Variants in GSAP observed in about 807,000 individuals in gnomAD.
GSAP encodes gamma-secretase-activating protein.
In GSAP, 118 loss-of-function variants were observed where a neutral mutation model predicts 131.7. The observed-to-expected ratio is 0.90, with a 90% CI of 0.77 to 1.04. The LOEUF is 1.04. Ranked by LOEUF, GSAP falls within the 50% of genes least tolerant of loss-of-function variation. The pLI, the probability that GSAP is intolerant of heterozygous loss-of-function variation, is 0.00. For missense variants in GSAP, 1,019 were observed against 1,013.2 expected (o/e 1.01, Z -0.08); for synonymous variants, 381 against 363.4 (o/e 1.05, Z -0.55).
At chr7:77,313,419 T>C (rs1794627949) in intron 28 of GSAP, 69 bp downstream of exon 28, 2 of 800,450 alleles carry the variant, frequency 2.5e-6, no homozygotes, top group South Asian at 1.5e-5. Flanking sequence ...AATGCTCTTT[T>C]TGCAAGAAGA....
intron 5 of GSAP, 140 bp from the exon 6 acceptor site, chr7:77,387,588 G>C: frequency 1.6e-6 from 1 of 610,002 alleles, no homozygotes; most frequent in Non-Finnish European, 2.9e-6. Context: ...CACCATCCTA[G>C]AGTCCTGTGA....
chr7:77,404,433 G>T, intron 3 of GSAP, 126 bp downstream of exon 3: 1 of 679,540 alleles, frequency 1.5e-6, no homozygotes, highest in Non-Finnish European at 2.6e-6. Flanking sequence ...TTGCAATTCT[G>T]TTTTTTCAAA....
chr7:77,328,870 G>A (rs1418486643), intron 21 of GSAP, among the ~76,000 whole-genome samples: 1 of 152,122 alleles, frequency 6.6e-6, no homozygotes, highest in African/African-American at 2.4e-5. Context: ...AACAACTGTA[G>A]CTCTCAGTTA....
chr7:77,402,828 T>C (rs78149253), intron 3 of GSAP, among the ~76,000 whole-genome samples: 119 of 152,204 alleles, frequency 7.8e-4, no homozygotes, highest in African/African-American at 2.7e-3. Context: ...TATTAATTTA[T>C]CCTTTGGCCA....
chr7:77,362,360 G>A (rs914208585), intron 13 of GSAP, among the ~76,000 whole-genome samples: 2 of 152,082 alleles, frequency 1.3e-5, no homozygotes, highest in African/African-American at 2.4e-5. Flanking sequence ...GATGGCACAC[G>A]CCTGTAGTCC....
At chr7:77,386,225 C>T (rs1034978582) in intron 6 of GSAP, among the ~76,000 whole-genome samples, 4 of 152,116 alleles carry the variant, frequency 2.6e-5, no homozygotes, top group Non-Finnish European at 1.5e-5. Flanking sequence ...GAAGACTTAT[C>T]TGAGAAGCAA....
chr7:77,413,135 A>G, intron 1 of GSAP, among the ~76,000 whole-genome samples: 1 of 152,222 alleles, frequency 6.6e-6, no homozygotes. Flanking sequence ...GGGAGTGCTC[A>G]GGAAAGTGGG....
chr7:77,376,847 C>A lies in GSAP; in HGVS notation c.741+1G>T. On this transcript the variant is annotated splice_donor_variant, in intron 10 of 30. Transcript: ENST00000257626. LOFTEE classifies it high-confidence loss of function. ...GTAGTGTGATCATTTTCTGGACTTA[C>A]CATTAAGTTATAGCTCTCATCAGCA... 1 of 1,385,082 alleles carries A rather than the reference C, an allele frequency of 7.2e-7. No individual in the cohort carries two copies. The highest frequency in any genetic ancestry group is 1.3e-5 in the South Asian group (1 of 78,812). 85.8% of individuals were successfully genotyped at this position (1,385,082 alleles called of 1,614,324 possible).
Position 77,362,609 on chromosome 7 carries a change from G to C in GSAP, c.923C>G (p.Thr308Arg). The change falls in exon 13 of 31, where the codon ACA becomes AGA. Residue 308 changes from threonine (T) to arginine (R), a missense_variant. Thr to Arg is a moderately conservative substitution (Grantham distance 71, BLOSUM62 -1). Coordinates refer to ENST00000257626, the MANE Select transcript of GSAP (RefSeq NM_017439.4). ...TTTATGAATGTAAAACACTGAATAT[G>C]TGATTTGTCCCCAAGAGGCACACTT... is the stretch of plus-strand genomic sequence containing the variant. ...SPKCASWGQITYSVFYIHKGH... is the reference protein window; with the variant it reads ...SPKCASWGQIRYSVFYIHKGH... 1 of 1,577,056 alleles carries C rather than the reference G, an allele frequency of 6.3e-7. No individual in the cohort carries two copies. Among genetic ancestry groups the C allele is most frequent in the Non-Finnish European group, 8.7e-7 (1 of 1,147,102 alleles).
chr7:77,365,476 C>A (rs1795151314), intron 12 of GSAP, among the ~76,000 whole-genome samples: 1 of 152,106 alleles, frequency 6.6e-6, no homozygotes, highest in Admixed American at 6.6e-5. Context: ...AGTGAGAACA[C>A]TAGGTATTTC....
At chr7:77,385,325 C>T (rs1354662830) in intron 6 of GSAP, among the ~76,000 whole-genome samples, 5 of 152,148 alleles carry the variant, frequency 3.3e-5, no homozygotes, top group Admixed American at 2.6e-4. Context: ...TGAGCCACTG[C>T]GCCCAGCCAC....
At chr7:77,403,079 A>G (rs1801653795) in intron 3 of GSAP, among the ~76,000 whole-genome samples, 1 of 152,198 alleles carries the variant, frequency 6.6e-6, no homozygotes, top group South Asian at 2.1e-4. Flanking sequence ...ATGACCACAA[A>G]AGATAGCAGC....
Position 77,342,824 on chromosome 7 carries a change from C to T in GSAP, c.1545+6527G>A, listed in dbSNP as rs148135110. On this transcript the variant is annotated intron_variant, in intron 19 of 30. Coordinates refer to ENST00000257626, the MANE Select transcript of GSAP (RefSeq NM_017439.4). ...AAACCAGACAAGCCTTACAGGTTAG[C>T]TCAGGATCTGCGACTTATCAACCAA... Among the ~76,000 whole-genome samples the T allele has an allele frequency of 7.6e-4, 115 of 152,292 alleles. 3 individuals carry two copies. In the East Asian group the frequency reaches 0.02, roughly 27 times the overall value.
chr7:77,368,854 G>A (rs879717494), intron 12 of GSAP, among the ~76,000 whole-genome samples: 1 of 152,202 alleles, frequency 6.6e-6, no homozygotes, highest in Non-Finnish European at 1.5e-5. Flanking sequence ...ATAAAGGTTA[G>A]CTGGTGTTAT....
intron 1 of GSAP, among the ~76,000 whole-genome samples, chr7:77,407,260 G>C (rs760170573): frequency 5.1e-4 from 78 of 152,032 alleles, no homozygotes; most frequent in Admixed American, 1.1e-3. Context: ...TTACTTTAAG[G>C]TCTACTTTGT....
intron 5 of GSAP, among the ~76,000 whole-genome samples, chr7:77,392,061 C>T (rs1325771633): frequency 6.6e-6 from 1 of 151,598 alleles, no homozygotes; most frequent in Admixed American, 6.6e-5. Flanking sequence ...CCCGTCTCTA[C>T]TAAAAATACA....
intron 8 of GSAP, among the ~76,000 whole-genome samples, 184 bp from the exon 9 acceptor site, chr7:77,377,574 A>G (rs2151014252): frequency 6.6e-6 from 1 of 152,248 alleles, no homozygotes; most frequent in East Asian, 1.9e-4. Context: ...TTAAGACATA[A>G]TTTCATTGCC....
intron 14 of GSAP, 139 bp from the exon 15 acceptor site, chr7:77,355,786 C>CTTTTTTTTTTTTTTT: frequency 3.3e-6 from 1 of 305,326 alleles, no homozygotes; most frequent in South Asian, 5.0e-5. Context: ...AATGACAGCC[C>CTTTTTTTTTTTTTTT]GTTTTTTTTT....
intron 2 of GSAP, among the ~76,000 whole-genome samples, chr7:77,405,540 AT>A (rs36094619): frequency 5.9e-5 from 9 of 151,502 alleles, no homozygotes; most frequent in African/African-American, 1.7e-4. Flanking sequence ...ATTTAAAAAA[AT>A]TTTTTTTTCT....
Sources: allele counts gnomAD v4.1 joint callset (sites outside exome capture counted in the v4.1 genomes callset), GRCh38; gene constraint gnomAD v4.1.1; transcripts MANE v1.5; gene names NCBI Gene and HGNC (gene_info 2026-07-23, HGNC 2026-07-21).